Variants in PON1 observed in about 807,000 individuals in gnomAD.
The protein encoded by PON1 is serum paraoxonase/arylesterase 1.
In PON1, 37 loss-of-function variants were observed where a neutral mutation model predicts 39.2. The observed-to-expected ratio is 0.94, with a 90% CI of 0.73 to 1.24. The LOEUF (loss-of-function observed/expected upper bound fraction) is 1.24. PON1 is among the 50% of genes most tolerant of loss of function. The probability of loss-of-function intolerance (pLI) is 0.00; values close to 1 mark genes in which losing one functional copy is unlikely to be tolerated. For synonymous variants in PON1, 148 were observed against 152.2 expected, an observed-to-expected ratio of 0.97 and a Z score of 0.21; for missense variants, 397 against 413.5, an observed-to-expected ratio of 0.96 and a Z score of 0.35.
rs374147875 is a variant in PON1, at chr7:95,302,195, T to A, written c.909+10A>T. 1.2e-6 allele frequency: 2 copies of A among 1,609,512 alleles called. No homozygotes were observed. The highest frequency in any genetic ancestry group is 2.7e-5 in the African/African-American group (2 of 74,650). On this transcript the variant is annotated intron_variant, in intron 8 of 8. Coordinates refer to ENST00000222381, the MANE Select transcript of PON1 (RefSeq NM_000446.7). ...TAAAGTCACTTATCTGGTTCATTTT[T>A]AAAACTTACCTCTGATGCAGGAGGA...
rs1266366522 is a variant in PON1 at position 95,298,147 on chromosome 7, T to A, written c.*797A>T. 6.6e-6 allele frequency: 1 copy of A among 152,256 alleles called. No homozygotes were observed. Among genetic ancestry groups the A allele is most frequent in the Non-Finnish European group, 1.5e-5 (1 of 68,110 alleles). 9.4% of individuals were successfully genotyped at this position (152,256 alleles called of 1,614,324 possible). ...GTAGTCTTTGGGGACACTTTTAGCT[T>A]CGCCCATGTCAATTATGGGATTCAT... is the stretch of plus-strand genomic sequence containing the variant. On this transcript the variant is annotated 3_prime_UTR_variant, in exon 9 of 9. Coordinates refer to ENST00000222381, the MANE Select transcript of PON1 (RefSeq NM_000446.7).
At chr7:95,312,641 C>T (rs769013426) in intron 4 of PON1, among the ~76,000 whole-genome samples, 1 of 152,110 alleles carries the variant, frequency 6.6e-6, no homozygotes. Flanking sequence ...AATAAGAGAA[C>T]GAATAATGTG....
intron 1 of PON1, among the ~76,000 whole-genome samples, chr7:95,323,958 T>C (rs1807955361): frequency 6.6e-6 from 1 of 152,130 alleles, no homozygotes; most frequent in South Asian, 2.1e-4. Context: ...CTCAGTAGCC[T>C]CAATTTGAGA....
chr7:95,303,941 CT>C (rs35582633), intron 7 of PON1, among the ~76,000 whole-genome samples: 1 of 152,162 alleles, frequency 6.6e-6, no homozygotes, highest in South Asian at 2.1e-4. Flanking sequence ...GTCCTGGAAT[CT>C]TTTTTTGGAG....
chr7:95,311,319 T>C, intron 5 of PON1, 132 bp downstream of exon 5: 1 of 1,084,854 alleles, frequency 9.2e-7, no homozygotes, highest in Non-Finnish European at 1.4e-6. Context: ...CAGAAGAGCA[T>C]GTGGAGGAGT....
In PON1 at chr7:95,298,107, C is replaced by A. The variant is rs1807317791; in HGVS notation, c.*837G>T. The stretch of plus-strand genomic sequence containing the variant: ...AACAAAAACCCACCAGCACTACCAC[C>A]ACCTCAACAACAGTGTAGTCTTTGG... On this transcript the variant is annotated 3_prime_UTR_variant, in exon 9 of 9. Transcript: ENST00000222381. The A allele has an allele frequency of 6.6e-6, 1 of 152,138 alleles. No homozygotes were observed. Among genetic ancestry groups the A allele is most frequent in the Non-Finnish European group, 1.5e-5 (1 of 68,046 alleles). 9.4% of individuals were successfully genotyped at this position (152,138 alleles called of 1,614,324 possible). A position where few individuals can be genotyped will look rare whatever the true frequency, so the allele number is the denominator to read the frequency against.
chr7:95,318,722 C>A, intron 1 of PON1: 1 of 278,706 alleles, frequency 3.6e-6, no homozygotes, highest in Non-Finnish European at 7.0e-6. Context: ...TAAATGGCAA[C>A]ATGGTTCCAG....
chr7:95,323,187 G>A (rs1025609378), intron 1 of PON1, among the ~76,000 whole-genome samples: 1 of 152,164 alleles, frequency 6.6e-6, no homozygotes, highest in Admixed American at 6.5e-5. Flanking sequence ...TGAGTAGCTA[G>A]GTTTTAGGGG....
At chr7:95,307,457 T>C (rs1345752153) in intron 6 of PON1, among the ~76,000 whole-genome samples, 3 of 152,216 alleles carry the variant, frequency 2.0e-5, no homozygotes, top group Non-Finnish European at 1.5e-5. Context: ...TTCATGTATA[T>C]ACCAATGCTA....
chr7:95,313,182 G>C (rs1246988998), intron 4 of PON1, among the ~76,000 whole-genome samples: 1 of 152,218 alleles, frequency 6.6e-6, no homozygotes, highest in Non-Finnish European at 1.5e-5. Flanking sequence ...TCAAATTCAA[G>C]TGAGGATTAA....
chr7:95,299,441 A>C (rs1445584602), intron 8 of PON1, among the ~76,000 whole-genome samples: 2 of 152,182 alleles, frequency 1.3e-5, no homozygotes, highest in Non-Finnish European at 2.9e-5. Context: ...GATAGTTAAT[A>C]CTGAGAGTCA....
intron 1 of PON1, among the ~76,000 whole-genome samples, chr7:95,320,522 G>A (rs569285574): frequency 2.6e-5 from 4 of 152,182 alleles, no homozygotes; most frequent in Non-Finnish European, 4.4e-5. Context: ...AAACACCTCC[G>A]TGAGGTGTTA....
chr7:95,320,142 T>C lies in PON1; in HGVS notation c.75-1749A>G, dbSNP rs148053893. 2.5e-3 allele frequency among the ~76,000 whole-genome samples: 380 copies of C among 152,302 alleles called. 1 individual carries two copies. Among genetic ancestry groups the C allele is most frequent in the African/African-American group, 8.6e-3 (357 of 41,562 alleles). On this transcript the variant is annotated intron_variant, in intron 1 of 8. Coordinates refer to ENST00000222381, the MANE Select transcript of PON1 (RefSeq NM_000446.7). ...GAGAGATTCAAGGACATAAAATCAC[T>C]GAATGGGCCAAGACTTGTGAAAAAC...
intron 5 of PON1, among the ~76,000 whole-genome samples, chr7:95,309,272 A>G (rs771724027): frequency 6.6e-5 from 10 of 151,454 alleles, no homozygotes; most frequent in Non-Finnish European, 1.2e-4. Context: ...GGAGCATGAC[A>G]TTCAATAAAC....
chr7:95,298,820 G>A lies in PON1; in HGVS notation c.*124C>T. 8.4e-7 allele frequency: 1 copy of A among 1,195,214 alleles called. No individual in the cohort carries two copies. The highest frequency in any genetic ancestry group is 1.3e-5 in the South Asian group (1 of 79,466). 74.0% of individuals were successfully genotyped at this position (1,195,214 alleles called of 1,614,324 possible). A position where few individuals can be genotyped will look rare whatever the true frequency, so the allele number is the denominator to read the frequency against. ...ACTCCCAGTTAAACAGTGCTTTGAT[G>A]CTTCATGATGTCCACATTTAGGGTC... On this transcript the variant is annotated 3_prime_UTR_variant, in exon 9 of 9. Transcript: ENST00000222381.
At position 95,324,399 on chromosome 7, in the gene PON1, T is replaced by G. The variant is rs1159495500; in HGVS notation, c.74+3A>C. The G allele has an allele frequency of 6.2e-7, 1 of 1,613,976 alleles. No individual in the cohort carries two copies. Among genetic ancestry groups the G allele is most frequent in the Non-Finnish European group, 8.5e-7 (1 of 1,179,916 alleles). On this transcript the variant is annotated splice_donor_region_variant and intron_variant, in intron 1 of 8. Transcript: ENST00000222381. ...CTGCAGCCCTCACCACAACCCAACT[T>G]ACTGGTAAGAAGACTGGTGGTTCCT...
At position 95,324,433 on chromosome 7, in the gene PON1, C is replaced by T; in HGVS notation, c.43G>A (p.Ala15Thr). Reference sequence around the variant, plus strand: ...GAAGACTGGTGGTTCCTGAAGAGTGCCAGTCCCATCCCCAAGAGGGTGAGC... The same window carrying T: ...GAAGACTGGTGGTTCCTGAAGAGTGTCAGTCCCATCCCCAAGAGGGTGAGC... ...IALTLLGMGL[A>T]LFRNHQSSYQ... The change falls in exon 1 of 9, where the codon GCA (alanine) becomes ACA (threonine). Residue 15 changes from alanine to threonine, a missense_variant. Physicochemically the swap from Ala to Thr is moderately conservative, Grantham distance 58. Transcript: ENST00000222381. 1.2e-6 allele frequency: 2 copies of T among 1,614,164 alleles called. No individual in the cohort carries two copies. The highest frequency in any genetic ancestry group is 2.2e-5 in the East Asian group (1 of 44,864).
At chr7:95,319,655 A>T (rs1807853087) in intron 1 of PON1, among the ~76,000 whole-genome samples, 1 of 152,220 alleles carries the variant, frequency 6.6e-6, no homozygotes, top group African/African-American at 2.4e-5. Context: ...GGAAAGTTGG[A>T]ATCTGTCCCA....
chr7:95,311,972 G>T (rs530209741), intron 4 of PON1, among the ~76,000 whole-genome samples: 3 of 152,342 alleles, frequency 2.0e-5, no homozygotes, highest in African/African-American at 7.2e-5. Flanking sequence ...TTTACACAGT[G>T]TGAGATGATA....
Sources: allele counts gnomAD v4.1 joint callset (sites outside exome capture counted in the v4.1 genomes callset), GRCh38; gene constraint gnomAD v4.1.1; transcripts MANE v1.5; gene names NCBI Gene and HGNC (gene_info 2026-07-23, HGNC 2026-07-21).